The following DEPDC4 variants were observed in gnomAD, a reference collection of about 807,000 sequenced individuals.
The protein encoded by DEPDC4 is DEP domain containing 4.
DEPDC4 carries 52 observed loss-of-function variants against 52.0 expected under a neutral mutation model. That is an observed-to-expected ratio of 1.00 (90% CI 0.80 to 1.26). DEPDC4 has a LOEUF of 1.26. DEPDC4 is among the 50% of genes most tolerant of loss of function. The pLI is 0.00. For synonymous variants in DEPDC4, 201 were observed against 196.8 expected (o/e 1.02, Z -0.18); for missense variants, 530 against 546.9 (o/e 0.97, Z 0.31).
At chr12:100,267,747 A>G (rs1044893764), upstream of DEPDC4, 1 of 152,194 alleles carries the variant, frequency 6.6e-6, no homozygotes, top group Non-Finnish European at 1.5e-5. Flanking sequence ...TCGGTGGTGG[A>G]GAACGTAGTA....
At position 100,241,572 on chromosome 12, in the gene DEPDC4, T is replaced by A. The variant is rs534398849; in HGVS notation, c.*320A>T. The A allele has an allele frequency of 1.2e-5, 9 of 724,516 alleles. No homozygotes were observed. The East Asian group carries it at 7.6e-4, about 61-fold the overall frequency. The allele number at this position is 724,516 out of a possible 1,614,324, so 44.9% of individuals were successfully genotyped here. On this transcript the variant is annotated 3_prime_UTR_variant, in exon 10 of 10. Coordinates refer to ENST00000550587, the MANE Select transcript of DEPDC4 (RefSeq NM_001364818.2). ...AAAAAATAAAACACTTAAAATCCTT[T>A]GAGATTATGCTTTCTCTGAAGTGTA...
intron 2 of DEPDC4, among the ~76,000 whole-genome samples, chr12:100,263,240 C>T (rs2096259951): frequency 6.6e-6 from 1 of 152,160 alleles, no homozygotes; most frequent in Non-Finnish European, 1.5e-5. Flanking sequence ...CCCTACCTGG[C>T]CAAAAGTCAC....
downstream of DEPDC4, among the ~76,000 whole-genome samples, chr12:100,239,212 G>C (rs925469364): frequency 1.3e-5 from 2 of 151,988 alleles, no homozygotes; most frequent in Admixed American, 1.3e-4. Flanking sequence ...AAGTAGCTGG[G>C]ATTACAGGTG....
chr12:100,233,509 G>A (rs1592858420), intron 9 of DEPDC4, among the ~76,000 whole-genome samples: 1 of 152,140 alleles, frequency 6.6e-6, no homozygotes, highest in East Asian at 1.9e-4. Context: ...CGTTGTTAAT[G>A]TCATGTTTAT....
At chr12:100,256,729 C>G (rs903812131) in intron 3 of DEPDC4, among the ~76,000 whole-genome samples, 24 of 151,388 alleles carry the variant, frequency 1.6e-4, no homozygotes, top group Non-Finnish European at 2.7e-4. Flanking sequence ...GCAAGCTCCG[C>G]CTCCCAGGTT....
chr12:100,247,238 G>A (rs1054881280), intron 8 of DEPDC4, among the ~76,000 whole-genome samples: 20 of 115,504 alleles, frequency 1.7e-4, no homozygotes, highest in African/African-American at 5.2e-4. Flanking sequence ...AGACAGAGTC[G>A]TGCTCTGTCA....
At chr12:100,238,362 G>T (rs141069349), downstream of DEPDC4, among the ~76,000 whole-genome samples, 2,566 of 152,050 alleles carry the variant, frequency 0.017, 68 homozygotes, top group African/African-American at 0.059. Flanking sequence ...GTTTCACCAT[G>T]TTGGCCAGGC....
At chr12:100,270,446 T>G (rs1289567274), upstream of DEPDC4, among the ~76,000 whole-genome samples, 1 of 152,034 alleles carries the variant, frequency 6.6e-6, no homozygotes, top group African/African-American at 2.4e-5. Flanking sequence ...TAAAAAAAAA[T>G]TACAATAATT....
chr12:100,281,949 G>C, the DEPDC4 span, among the ~76,000 whole-genome samples: 1 of 152,112 alleles, frequency 6.6e-6, no homozygotes, highest in African/African-American at 2.4e-5. Flanking sequence ...CCTGTGAAAA[G>C]GGGTGGAAAA....
intron 3 of DEPDC4, chr12:100,261,715 T>A (rs1170022776): frequency 2.2e-6 from 1 of 456,720 alleles, no homozygotes. Flanking sequence ...TGTTATTAGA[T>A]GTATATTGCC....
At chr12:100,279,255 C>A in the DEPDC4 span, among the ~76,000 whole-genome samples, 26 of 152,212 alleles carry the variant, frequency 1.7e-4, no homozygotes, top group Admixed American at 1.5e-3. Context: ...CAACCTAGGT[C>A]CCTTGCATGT....
chr12:100,275,906 G>A, the DEPDC4 span, among the ~76,000 whole-genome samples: 1 of 117,622 alleles, frequency 8.5e-6, no homozygotes, highest in Admixed American at 8.8e-5. Context: ...AATTTTGTCA[G>A]TTTTTTTTCT....
At chr12:100,244,091 C>CTCTATATATATATA (rs2096172627) in intron 8 of DEPDC4, among the ~76,000 whole-genome samples, 1 of 34,990 alleles carries the variant, frequency 2.9e-5, no homozygotes. Flanking sequence ...CTCTCTCTCT[C>CTCTATATATATATA]TGTGTATATA....
chr12:100,274,540 T>C, the DEPDC4 span, among the ~76,000 whole-genome samples: 1 of 152,174 alleles, frequency 6.6e-6, no homozygotes, highest in Non-Finnish European at 1.5e-5. Flanking sequence ...CAGCCTCCTT[T>C]AGTATTTCTT....
Position 100,252,545 on chromosome 12 carries a change from T to C in DEPDC4, c.1106-9A>G, listed in dbSNP as rs2096212667. On this transcript the variant is annotated splice_polypyrimidine_tract_variant and intron_variant, in intron 5 of 9. Coordinates refer to ENST00000550587, the MANE Select transcript of DEPDC4 (RefSeq NM_001364818.2). ...TGCTCTTTTCTCATTTTCTGTTATA[T>C]AGGTTACAAAGAAAACAAAGCATAA... 1 of 1,584,854 alleles carries C rather than the reference T, an allele frequency of 6.3e-7. No individual in the cohort carries two copies. Among genetic ancestry groups the C allele is most frequent in the South Asian group, 1.2e-5 (1 of 86,810 alleles).
At chr12:100,261,622 T>A in intron 3 of DEPDC4, 2 of 437,570 alleles carry the variant, frequency 4.6e-6, no homozygotes, top group Non-Finnish European at 4.6e-6. Context: ...AGGACTGTGG[T>A]GAGTCCGTAT....
chr12:100,271,965 A>G (rs909577055), upstream of DEPDC4, among the ~76,000 whole-genome samples: 2 of 152,208 alleles, frequency 1.3e-5, no homozygotes, highest in African/African-American at 2.4e-5. Context: ...AGTTCCTTTC[A>G]GCTACCTGCT....
At chr12:100,242,623 G>A (rs774861270) in intron 8 of DEPDC4, 54 bp from the exon 9 acceptor site, 7 of 154,792 alleles carry the variant, frequency 4.5e-5, no homozygotes, top group Non-Finnish European at 7.3e-5. Flanking sequence ...AGCTGAGTTA[G>A]GATCTGAACC....
chr12:100,246,805 G>A (rs1341148717), intron 8 of DEPDC4, among the ~76,000 whole-genome samples: 1 of 152,116 alleles, frequency 6.6e-6, no homozygotes, highest in Admixed American at 6.5e-5. Context: ...GGGCGTGGTG[G>A]TGCTTGCCTG....
Sources: gnomAD v4.1 joint callset for allele counts (sites outside exome capture counted in the v4.1 genomes callset) on GRCh38, gnomAD v4.1.1 for gene constraint, MANE v1.5 for transcripts, NCBI Gene and HGNC (gene_info 2026-07-23, HGNC 2026-07-21) for gene names.